ZNF184: variants seen among roughly 807,000 people sequenced by gnomAD.
ZNF184 encodes the protein zinc finger protein 184.
ZNF184 carries 16 observed loss-of-function variants against 54.4 expected under a neutral mutation model. That is an observed-to-expected ratio of 0.29 (90% CI 0.20 to 0.45). The LOEUF (loss-of-function observed/expected upper bound fraction) is 0.45. Ranked by LOEUF, ZNF184 falls within the 20% of genes least tolerant of loss-of-function variation. The probability of loss-of-function intolerance (pLI) is 1.00; values close to 1 mark genes in which losing one functional copy is unlikely to be tolerated. For missense variants in ZNF184, 681 were observed against 888.2 expected, an observed-to-expected ratio of 0.77 and a Z score of 2.97; for synonymous variants, 254 against 295.3, an observed-to-expected ratio of 0.86 and a Z score of 1.43.
At chr6:27,446,054 T>C (rs902296847), downstream of ZNF184, among the ~76,000 whole-genome samples, 1 of 152,170 alleles carries the variant, frequency 6.6e-6, no homozygotes, top group African/African-American at 2.4e-5. Context: ...ATTTGGAAAA[T>C]GTATAGCCTG....
the ZNF184 span, among the ~76,000 whole-genome samples, chr6:27,436,265 G>A: frequency 6.6e-6 from 1 of 152,122 alleles, no homozygotes; most frequent in African/African-American, 2.4e-5. Context: ...CCAGGTTCAA[G>A]CAATTCTTGT....
At chr6:27,423,821 T>C in the ZNF184 span, among the ~76,000 whole-genome samples, 2 of 152,230 alleles carry the variant, frequency 1.3e-5, no homozygotes, top group African/African-American at 4.8e-5. Flanking sequence ...CATTTTAAAC[T>C]TTTTCCGATG....
the ZNF184 span, among the ~76,000 whole-genome samples, chr6:27,408,783 A>G: frequency 6.6e-6 from 1 of 152,146 alleles, no homozygotes; most frequent in East Asian, 1.9e-4. Context: ...TTATATTTCT[A>G]TTTCACTCTT....
the ZNF184 span, among the ~76,000 whole-genome samples, chr6:27,427,586 T>G: frequency 6.6e-6 from 1 of 152,340 alleles, no homozygotes; most frequent in South Asian, 2.1e-4. Flanking sequence ...CTGCTGCAAC[T>G]TAAACCATTA....
the ZNF184 span, chr6:27,406,840 G>T: frequency 6.6e-6 from 1 of 152,284 alleles, no homozygotes; most frequent in East Asian, 1.9e-4. Context: ...CTTCCTCCCT[G>T]TGTGCATCCC....
rs1331014243 is a variant in ZNF184 at position 27,462,258 on chromosome 6, C to T, written c.76-4849G>A. 2.0e-5 allele frequency among the ~76,000 whole-genome samples: 3 copies of T among 151,752 alleles called. No homozygotes were observed. The South Asian group carries it at 6.3e-4, about 32-fold the overall frequency. ...TGTTGCGCAGCCTGGAGTGCAGTGG[C>T]GTGATCTCGGCTCACTGCAAGCTCT... On this transcript the variant is annotated intron_variant, in intron 3 of 5. Transcript: ENST00000683788.
In ZNF184 at chr6:27,452,541, C is replaced by T; in HGVS notation, c.1018G>A (p.Gly340Arg). ...TGGCCTCTCTGGCTAAAGGCTTTTC[C>T]ACACTCATTACAAGTGTATGGCTTC... ...GEKPYTCNEC[G>R]KAFSQRGHFM... The change falls in exon 6 of 6, where the codon GGA becomes AGA. Residue 340 changes from glycine (G) to arginine (R), a missense_variant. By Grantham distance (125) the Gly-to-Arg change is moderately radical. Coordinates refer to ENST00000683788, the MANE Select transcript of ZNF184 (RefSeq NM_001318891.2). This position sits in a 1 kb window ranked among gnomAD's most constrained non-coding sequence, Gnocchi z 5.5. The T allele has an allele frequency of 6.2e-7, 1 of 1,614,088 alleles. No individual in the cohort carries two copies. Among genetic ancestry groups the T allele is most frequent in the South Asian group, 1.1e-5 (1 of 91,074 alleles).
downstream of ZNF184, among the ~76,000 whole-genome samples, chr6:27,447,713 C>CA (rs908993877): frequency 2.0e-5 from 3 of 151,842 alleles, no homozygotes; most frequent in Non-Finnish European, 2.9e-5. Flanking sequence ...AACTCTGTCT[C>CA]AAAAAAACAA....
chr6:27,424,136 G>A, the ZNF184 span, among the ~76,000 whole-genome samples: 1 of 152,152 alleles, frequency 6.6e-6, no homozygotes, highest in Non-Finnish European at 1.5e-5. Flanking sequence ...TGGTCTCCCT[G>A]GCTCAGAAGT....
intron 3 of ZNF184, among the ~76,000 whole-genome samples, chr6:27,459,197 T>C (rs1278756075): frequency 2.0e-5 from 3 of 152,168 alleles, no homozygotes; most frequent in Non-Finnish European, 2.9e-5. Flanking sequence ...AACAATAATT[T>C]AGTGTATAAT....
intron 3 of ZNF184, among the ~76,000 whole-genome samples, chr6:27,461,195 T>C (rs1263411539): frequency 6.6e-6 from 1 of 152,180 alleles, no homozygotes; most frequent in Non-Finnish European, 1.5e-5. Flanking sequence ...TCAAGCAGGA[T>C]TCCCTGGGTA....
chr6:27,466,790 AAGG>A (rs1276627285), intron 3 of ZNF184, among the ~76,000 whole-genome samples: 2 of 152,170 alleles, frequency 1.3e-5, no homozygotes, highest in African/African-American at 4.8e-5. Flanking sequence ...AAATTTTAAG[AAGG>A]AGGAGGGCTT....
chr6:27,433,938 T>A, the ZNF184 span, among the ~76,000 whole-genome samples: 1 of 58,004 alleles, frequency 1.7e-5, no homozygotes, highest in Non-Finnish European at 3.8e-5. Flanking sequence ...TTTCTTTTTC[T>A]CCTTCCTTCC....
chr6:27,455,522 C>T (rs979711820), intron 5 of ZNF184, among the ~76,000 whole-genome samples: 4 of 151,478 alleles, frequency 2.6e-5, no homozygotes, highest in African/African-American at 9.7e-5. Context: ...AACCATAAGC[C>T]CCAGTTATTA....
At chr6:27,454,650 C>T (rs900973191) in intron 5 of ZNF184, among the ~76,000 whole-genome samples, 3 of 152,146 alleles carry the variant, frequency 2.0e-5, no homozygotes, top group Non-Finnish European at 4.4e-5. Flanking sequence ...TCAAAGGCAA[C>T]ATGAAACAGG....
chr6:27,450,925 T>C lies in ZNF184; in HGVS notation c.*378A>G, dbSNP rs553895574. On this transcript the variant is annotated 3_prime_UTR_variant, in exon 6 of 6. Transcript: ENST00000683788. ...TCTAGTTACTGAAGCACAAATTCTA[T>C]TGGCAAAACATGCATAAACATACAC... 2.0e-3 allele frequency: 318 copies of C among 160,642 alleles called. No individual in the cohort carries two copies. The highest frequency in any genetic ancestry group is 6.1e-3 in the Middle Eastern group (2 of 330). 10.0% of individuals were successfully genotyped at this position (160,642 alleles called of 1,614,324 possible).
the ZNF184 span, among the ~76,000 whole-genome samples, chr6:27,425,325 C>A: frequency 6.6e-6 from 1 of 152,246 alleles, no homozygotes; most frequent in African/African-American, 2.4e-5. Context: ...AAAGTGGGAG[C>A]CCAGGCAGAG....
At chr6:27,427,959 A>C in the ZNF184 span, among the ~76,000 whole-genome samples, 1 of 152,024 alleles carries the variant, frequency 6.6e-6, no homozygotes, top group Non-Finnish European at 1.5e-5. Flanking sequence ...GTCATTTACA[A>C]CTCTTCTCTT....
At chr6:27,439,187 T>A in the ZNF184 span, among the ~76,000 whole-genome samples, 1 of 152,192 alleles carries the variant, frequency 6.6e-6, no homozygotes, top group South Asian at 2.1e-4. Flanking sequence ...CGCCCTAGAA[T>A]GTTTCTTGGC....
Sources: allele counts gnomAD v4.1 joint callset (sites outside exome capture counted in the v4.1 genomes callset), GRCh38; gene constraint gnomAD v4.1.1; non-coding constraint Gnocchi (gnomAD v3.1); transcripts MANE v1.5; gene names NCBI Gene and HGNC (gene_info 2026-07-23, HGNC 2026-07-21).